ANKRD42: variants seen among roughly 807,000 people sequenced by gnomAD.
ANKRD42 encodes ankyrin repeat domain-containing protein 42.
ANKRD42 carries 43 observed loss-of-function variants against 51.5 expected under a neutral mutation model. The ratio of observed to expected loss-of-function variants is 0.83; its 90% confidence interval spans 0.65 to 1.08. The LOEUF (loss-of-function observed/expected upper bound fraction) is 1.08, where lower values mean the gene tolerates loss of function less well. Ranked by LOEUF, ANKRD42 falls within the 50% of genes least tolerant of loss-of-function variation. The pLI, the probability that ANKRD42 is intolerant of heterozygous loss-of-function variation, is 0.00. For missense variants in ANKRD42, 608 were observed against 629.3 expected (o/e 0.97, Z 0.36); for synonymous variants, 203 against 213.0 (o/e 0.95, Z 0.41).
chr11:83,209,013 A>G (rs1862197710), intron 3 of ANKRD42, among the ~76,000 whole-genome samples: 1 of 152,222 alleles, frequency 6.6e-6, no homozygotes. Context: ...AACTAGGCCA[A>G]TTGCAAATTC....
intron 5 of ANKRD42, chr11:83,214,505 A>C: frequency 1.1e-5 from 11 of 979,492 alleles, no homozygotes; most frequent in Non-Finnish European, 1.3e-5. Context: ...AACCAGGTAG[A>C]GTATTTATAA....
chr11:83,252,907 T>G (rs991588230), downstream of ANKRD42, among the ~76,000 whole-genome samples: 9 of 152,118 alleles, frequency 5.9e-5, no homozygotes, highest in Non-Finnish European at 1.3e-4. Context: ...TTGGCAGAGC[T>G]GTCTGTCCAG....
At chr11:83,203,069 G>A (rs996450523) in intron 2 of ANKRD42, among the ~76,000 whole-genome samples, 1 of 145,376 alleles carries the variant, frequency 6.9e-6, no homozygotes, top group Non-Finnish European at 1.5e-5. Flanking sequence ...TCAGTTCACT[G>A]CAACCTCTGC....
intron 5 of ANKRD42, among the ~76,000 whole-genome samples, chr11:83,217,690 T>C (rs1359466769): frequency 1.3e-5 from 2 of 152,208 alleles, no homozygotes; most frequent in Non-Finnish European, 2.9e-5. Context: ...CAGAGGGCCT[T>C]TGTCCTCTGG....
At position 83,248,055 on chromosome 11, in the gene ANKRD42, GA is replaced by G; in HGVS notation, c.1441del (p.Ile481PhefsTer40). 1 of 1,597,662 alleles carries G rather than the reference GA, an allele frequency of 6.3e-7. No homozygotes were observed. Among genetic ancestry groups the G allele is most frequent in the Non-Finnish European group, 8.5e-7 (1 of 1,171,468 alleles). ...AGTTGATCAACTCAGGGAAACACTG[GA>G]AAAAATTCAAGTCCCAAACTTTGTG... ...AEVDQLRETL[E>X]KIQVPNFVAM... is the part of the protein sequence containing the mutation. On this transcript the variant is annotated frameshift_variant, in exon 11 of 11. Transcript: ENST00000533342. LOFTEE classifies it low-confidence loss of function (END_TRUNC).
At chr11:83,210,029 G>T (rs1002626080) in intron 3 of ANKRD42, 17 of 363,394 alleles carry the variant, frequency 4.7e-5, no homozygotes, top group Non-Finnish European at 8.5e-5. Context: ...TTATGTTTCA[G>T]TGTACTGGAA....
chr11:83,223,924 G>C (rs1278167097), intron 5 of ANKRD42, among the ~76,000 whole-genome samples: 1 of 149,804 alleles, frequency 6.7e-6, no homozygotes, highest in Non-Finnish European at 1.5e-5. Context: ...CTCAAAGCTT[G>C]TAACAACTCC....
chr11:83,200,936 T>C (rs926272674), intron 2 of ANKRD42, among the ~76,000 whole-genome samples: 1 of 152,168 alleles, frequency 6.6e-6, no homozygotes, highest in Non-Finnish European at 1.5e-5. Flanking sequence ...CCCAAATTAG[T>C]CTACTGTTCC....
chr11:83,205,842 T>G (rs776777395), intron 2 of ANKRD42, among the ~76,000 whole-genome samples: 18 of 152,274 alleles, frequency 1.2e-4, no homozygotes, highest in Non-Finnish European at 2.1e-4. Flanking sequence ...AGAAATATGG[T>G]CTCCAGTTTG....
intron 5 of ANKRD42, chr11:83,215,340 G>T (rs1222838301): frequency 6.6e-6 from 1 of 151,774 alleles, no homozygotes; most frequent in African/African-American, 2.4e-5. Flanking sequence ...TAGTCTACGT[G>T]TGTTTCTATA....
chr11:83,212,823 T>A (rs1862377102), intron 5 of ANKRD42: 1 of 1,447,728 alleles, frequency 6.9e-7, no homozygotes, highest in Non-Finnish European at 9.1e-7. Flanking sequence ...TTTAGTGAAG[T>A]CTTTTGGTAT....
chr11:83,219,972 T>C (rs1862665230), intron 5 of ANKRD42, among the ~76,000 whole-genome samples: 1 of 152,210 alleles, frequency 6.6e-6, no homozygotes, highest in Admixed American at 6.5e-5. Flanking sequence ...GTCTTGATCC[T>C]GCCTAGTGGG....
chr11:83,210,728 C>A (rs2135501754), intron 4 of ANKRD42, among the ~76,000 whole-genome samples: 1 of 152,242 alleles, frequency 6.6e-6, no homozygotes, highest in Non-Finnish European at 1.5e-5. Context: ...GATTGTAAAT[C>A]TTTATGAATT....
intron 5 of ANKRD42, chr11:83,213,119 A>G (rs766796717): frequency 2.5e-6 from 4 of 1,601,852 alleles, no homozygotes; most frequent in South Asian, 2.2e-5. Context: ...GCAGAAACCC[A>G]GAGGTATTGA....
intron 5 of ANKRD42, chr11:83,213,368 C>T: frequency 6.3e-7 from 1 of 1,577,662 alleles, no homozygotes; most frequent in Non-Finnish European, 8.6e-7. Context: ...GTCACACCAA[C>T]CCCAACGCCA....
intron 5 of ANKRD42, among the ~76,000 whole-genome samples, chr11:83,223,509 C>T (rs945715328): frequency 2.0e-5 from 3 of 151,944 alleles, no homozygotes; most frequent in Admixed American, 2.0e-4. Flanking sequence ...AAGGATGGCT[C>T]CAAGGCTTAT....
intron 2 of ANKRD42, among the ~76,000 whole-genome samples, chr11:83,199,794 T>A (rs1419149798): frequency 6.6e-6 from 1 of 152,198 alleles, no homozygotes; most frequent in Non-Finnish European, 1.5e-5. Context: ...TGTGATATCT[T>A]CTTTATTTGT....
intron 1 of ANKRD42, 101 bp downstream of exon 1, chr11:83,194,829 T>G: frequency 8.3e-7 from 1 of 1,208,178 alleles, no homozygotes; most frequent in Non-Finnish European, 1.2e-6. Flanking sequence ...TTCTCAGCCG[T>G]CACTCCCCCC....
At chr11:83,200,027 T>C (rs1565174715) in intron 2 of ANKRD42, among the ~76,000 whole-genome samples, 1 of 152,142 alleles carries the variant, frequency 6.6e-6, no homozygotes, top group East Asian at 1.9e-4. Flanking sequence ...AATCTGTTTG[T>C]AGTTTGAGTT....
Sources: gnomAD v4.1 joint callset for allele counts (sites outside exome capture counted in the v4.1 genomes callset) on GRCh38, gnomAD v4.1.1 for gene constraint, MANE v1.5 for transcripts, NCBI Gene and HGNC (gene_info 2026-07-23, HGNC 2026-07-21) for gene names.